Variants in TOP2B observed in about 807,000 individuals in gnomAD.
TOP2B encodes the protein DNA topoisomerase 2-beta.
A neutral mutation model predicts 193.5 loss-of-function variants in TOP2B; 51 were observed. That is an observed-to-expected ratio of 0.26 (90% CI 0.21 to 0.33). TOP2B has a LOEUF of 0.33. Among genes scored for constraint, TOP2B ranks in the 10% least tolerant of loss-of-function variants. The pLI, the probability that TOP2B is intolerant of heterozygous loss-of-function variation, is 1.00. For synonymous variants in TOP2B, 634 were observed against 635.7 expected, an observed-to-expected ratio of 1.00 and a Z score of 0.04; for missense variants, 1,378 against 1,909.3, an observed-to-expected ratio of 0.72 and a Z score of 5.19.
At chr3:25,641,150 C>T (rs1703251232) in intron 4 of TOP2B, among the ~76,000 whole-genome samples, 1 of 152,118 alleles carries the variant, frequency 6.6e-6, no homozygotes, top group African/African-American at 2.4e-5. Context: ...AATCTTATTG[C>T]ATTAATGTGG....
chr3:25,652,677 G>A (rs1323568294), intron 1 of TOP2B, among the ~76,000 whole-genome samples: 1 of 151,954 alleles, frequency 6.6e-6, no homozygotes, highest in Non-Finnish European at 1.5e-5. Context: ...AGCTAAAACA[G>A]TATTACACCT....
chr3:25,602,680 C>A (rs1702138680), intron 33 of TOP2B, among the ~76,000 whole-genome samples: 1 of 152,122 alleles, frequency 6.6e-6, no homozygotes, highest in Admixed American at 6.5e-5. Flanking sequence ...AACCACAGGG[C>A]AGCTCCTAGC....
chr3:25,625,603 T>C (rs764863263), intron 18 of TOP2B, among the ~76,000 whole-genome samples: 4 of 152,206 alleles, frequency 2.6e-5, no homozygotes, highest in Non-Finnish European at 5.9e-5. Context: ...TTTTGTTTGT[T>C]TTTGTTTTAA....
Position 25,619,849 on chromosome 3 carries a change from T to A in TOP2B, c.3063+13A>T, listed in dbSNP as rs759559013. On this transcript the variant is annotated intron_variant, in intron 23 of 35. Transcript: ENST00000264331. Reference sequence around the variant, plus strand: ...CAAGAAAGATTAAATTAACAGTAAATCTAATAAATTACCATGGAATTACAA... The same window carrying A: ...CAAGAAAGATTAAATTAACAGTAAAACTAATAAATTACCATGGAATTACAA... 1.3e-6 allele frequency: 2 copies of A among 1,550,990 alleles called. No individual in the cohort carries two copies. Among genetic ancestry groups the A allele is most frequent in the Admixed American group, 3.4e-5 (2 of 59,528 alleles).
intron 21 of TOP2B, among the ~76,000 whole-genome samples, chr3:25,622,718 G>A (rs963708785): frequency 4.3e-4 from 64 of 149,264 alleles, no homozygotes; most frequent in African/African-American, 1.5e-3. Context: ...TCGGCTCACC[G>A]CAACCTCCAC....
chr3:25,611,680 C>T (rs1046352566), intron 28 of TOP2B, among the ~76,000 whole-genome samples: 12 of 151,972 alleles, frequency 7.9e-5, no homozygotes, highest in Non-Finnish European at 5.9e-5. Context: ...GTTAGGTCAA[C>T]GCCATTTTTT....
In TOP2B at chr3:25,643,683, C is replaced by G. The variant is rs1486467435; in HGVS notation, c.331+11G>C. Reference sequence around the variant, plus strand: ...ATAGAAACATGCATTAAATCCTAAGCAAGTACTCACCCAAAATTTCATCAA... The same window carrying G: ...ATAGAAACATGCATTAAATCCTAAGGAAGTACTCACCCAAAATTTCATCAA... On this transcript the variant is annotated intron_variant, in intron 3 of 35. Transcript: ENST00000264331. 1.2e-6 allele frequency: 2 copies of G among 1,603,194 alleles called. No homozygotes were observed. Among genetic ancestry groups the G allele is most frequent in the Non-Finnish European group, 1.7e-6 (2 of 1,170,686 alleles).
intron 28 of TOP2B, among the ~76,000 whole-genome samples, chr3:25,610,726 T>G (rs1199886743): frequency 6.6e-6 from 1 of 152,184 alleles, no homozygotes; most frequent in Non-Finnish European, 1.5e-5. Flanking sequence ...AGACTGACTT[T>G]TTAGAATTTT....
At chr3:25,612,384 G>A in intron 28 of TOP2B, 131 bp downstream of exon 28, 2 of 640,320 alleles carry the variant, frequency 3.1e-6, no homozygotes, top group Admixed American at 6.5e-5. Context: ...GTCATAGAAG[G>A]ATTTCCTATT....
intron 21 of TOP2B, among the ~76,000 whole-genome samples, chr3:25,623,215 A>C (rs889517383): frequency 3.9e-5 from 6 of 152,234 alleles, no homozygotes; most frequent in Non-Finnish European, 5.9e-5. Flanking sequence ...AAGGTTACAC[A>C]TAATTTTATC....
At chr3:25,662,340 T>C (rs1014496565) in intron 1 of TOP2B, among the ~76,000 whole-genome samples, 3 of 152,218 alleles carry the variant, frequency 2.0e-5, no homozygotes, top group Non-Finnish European at 4.4e-5. Context: ...CCAGTCTATA[T>C]GATCAATGAT....
Position 25,612,389 on chromosome 3 carries a change from C to T in TOP2B, c.3786+126G>A, listed in dbSNP as rs900382929. 4.4e-6 allele frequency: 3 copies of T among 677,244 alleles called. No individual in the cohort carries two copies. The African/African-American group carries it at 5.4e-5, about 12-fold the overall frequency. The allele number at this position is 677,244 out of a possible 1,614,324, so 42.0% of individuals were successfully genotyped here. A position where few individuals can be genotyped will look rare whatever the true frequency, so the allele number is the denominator to read the frequency against. Reference sequence around the variant, plus strand: ...ATCAACTGCTGTCATAGAAGGATTTCCTATTACCATTGAAATATATTTTGA... The same window carrying T: ...ATCAACTGCTGTCATAGAAGGATTTTCTATTACCATTGAAATATATTTTGA... On this transcript the variant is annotated intron_variant, in intron 28 of 35. Transcript: ENST00000264331.
At chr3:25,627,369 T>C in intron 15 of TOP2B, 73 bp from the exon 16 acceptor site, 1 of 963,364 alleles carries the variant, frequency 1.0e-6, no homozygotes, top group Non-Finnish European at 1.5e-6. Flanking sequence ...AAAAAGCTGG[T>C]GGAAAAGTTG....
intron 23 of TOP2B, among the ~76,000 whole-genome samples, 193 bp from the exon 24 acceptor site, chr3:25,619,042 T>C (rs1057230580): frequency 6.6e-6 from 1 of 152,146 alleles, no homozygotes; most frequent in Non-Finnish European, 1.5e-5. Flanking sequence ...CTTTGGTGAC[T>C]GCAAGCCAAT....
At chr3:25,643,671 T>A (rs545950649) in intron 3 of TOP2B, 23 bp downstream of exon 3, 208 of 1,567,652 alleles carry the variant, frequency 1.3e-4, no homozygotes, top group Admixed American at 2.7e-4. Context: ...GAAACATGCA[T>A]TAAATCCTAA....
intron 21 of TOP2B, among the ~76,000 whole-genome samples, chr3:25,623,233 G>A (rs376941575): frequency 6.6e-6 from 1 of 152,294 alleles, no homozygotes. Context: ...ATCAGAAAAG[G>A]ATTGTTTTCT....
chr3:25,662,359 T>C (rs1471379763), intron 1 of TOP2B, among the ~76,000 whole-genome samples: 1 of 152,228 alleles, frequency 6.6e-6, no homozygotes, highest in Admixed American at 6.5e-5. Context: ...ATGTATATTA[T>C]GGACATAAAG....
chr3:25,626,820 T>G lies in TOP2B; in HGVS notation c.2061A>C (p.Thr687=). Residue 687 remains threonine, a synonymous_variant, in exon 17 of 36, where the codon ACA becomes ACC. Coordinates refer to ENST00000264331, the MANE Select transcript of TOP2B (RefSeq NM_001330700.2). The part of the protein sequence containing the change: ...KKIDDRKEWL[T]NFMEDRRQRR... ...GCTGTCTCCGGTCTTCCATAAAATTTGTTAACCATTCTTTTCTGTCATCAA... is the reference window on the plus strand; with the variant it reads ...GCTGTCTCCGGTCTTCCATAAAATTGGTTAACCATTCTTTTCTGTCATCAA... 6.2e-7 allele frequency: 1 copy of G among 1,607,066 alleles called. No individual in the cohort carries two copies. The highest frequency in any genetic ancestry group is 8.5e-7 in the Non-Finnish European group (1 of 1,177,380).
chr3:25,636,296 G>T (rs1703102996), intron 6 of TOP2B, 148 bp from the exon 7 acceptor site: 2 of 595,696 alleles, frequency 3.4e-6, no homozygotes, highest in Non-Finnish European at 5.6e-6. Flanking sequence ...TAATATTACA[G>T]ACAAAAAAAA....
Sources: gnomAD v4.1 joint callset for allele counts (sites outside exome capture counted in the v4.1 genomes callset) on GRCh38, gnomAD v4.1.1 for gene constraint, MANE v1.5 for transcripts, NCBI Gene and HGNC (gene_info 2026-07-23, HGNC 2026-07-21) for gene names.